SFXN2: variants seen among roughly 807,000 people sequenced by gnomAD.
The protein encoded by SFXN2 is sideroflexin-2.
In SFXN2, 37 loss-of-function variants were observed where a neutral mutation model predicts 41.9. That is an observed-to-expected ratio of 0.88 (90% CI 0.68 to 1.16). The LOEUF (loss-of-function observed/expected upper bound fraction) is 1.16. Among genes scored for constraint, SFXN2 ranks in the 50% most tolerant of loss-of-function variants. The probability of loss-of-function intolerance (pLI) is 0.00; values close to 1 mark genes in which losing one functional copy is unlikely to be tolerated. For missense variants in SFXN2, 386 were observed against 425.2 expected (o/e 0.91, Z 0.81); for synonymous variants, 150 against 156.7 (o/e 0.96, Z 0.32).
In SFXN2 at chr10:102,739,618, AGCACATGCATCAACC is replaced by A. The variant is rs2064824461; in HGVS notation, c.*1858_*1872del. On this transcript the variant is annotated 3_prime_UTR_variant, in exon 12 of 12. Coordinates refer to ENST00000369893, the MANE Select transcript of SFXN2 (RefSeq NM_178858.6). ...CCCTGCCCTGGAGCAGTGGTTCTTA[AGCACATGCATCAACC>A]GGGCGCAGTGGCTCATGCCTGTAAT... 6.6e-6 allele frequency: 1 copy of A among 152,122 alleles called. No individual in the cohort carries two copies. The highest frequency in any genetic ancestry group is 1.5e-5 in the Non-Finnish European group (1 of 68,038). The allele number at this position is 152,122 out of a possible 1,614,324, so 9.4% of individuals were successfully genotyped here. A position where few individuals can be genotyped will look rare whatever the true frequency, so the allele number is the denominator to read the frequency against.
At chr10:102,730,019 T>C (rs1438951148) in intron 6 of SFXN2, among the ~76,000 whole-genome samples, 3 of 152,088 alleles carry the variant, frequency 2.0e-5, no homozygotes, top group Non-Finnish European at 4.4e-5. Context: ...TTGAGTCCCG[T>C]GGGAGTCCTC....
chr10:102,728,734 T>C lies in SFXN2; in HGVS notation c.431+205T>C, dbSNP rs193112191. 5.2e-4 allele frequency among the ~76,000 whole-genome samples: 79 copies of C among 152,270 alleles called. 1 individual carries two copies. The highest frequency in any genetic ancestry group is 4.3e-3 in the Admixed American group (65 of 15,290). On this transcript the variant is annotated intron_variant, in intron 4 of 11. Coordinates refer to ENST00000369893, the MANE Select transcript of SFXN2 (RefSeq NM_178858.6). ...AATTCCAAATGTGTTTATTCATTCA[T>C]TCTCTAAATATTTCTTCTTGAGTGT...
intron 5 of SFXN2, 120 bp downstream of exon 5, chr10:102,729,514 G>A: frequency 1.6e-6 from 2 of 1,269,430 alleles, no homozygotes. Context: ...CCAGAGCCCG[G>A]CTGGCCAAGT....
At chr10:102,735,599 C>A (rs2064765968) in intron 10 of SFXN2, among the ~76,000 whole-genome samples, 1 of 152,168 alleles carries the variant, frequency 6.6e-6, no homozygotes, top group Non-Finnish European at 1.5e-5. Flanking sequence ...TCCCTGTTTA[C>A]TTCATTGTCT....
intron 10 of SFXN2, among the ~76,000 whole-genome samples, chr10:102,735,234 T>C (rs1433093703): frequency 3.6e-5 from 5 of 137,796 alleles, no homozygotes; most frequent in African/African-American, 1.1e-4. Context: ...TCCCTCTCCA[T>C]GTTGCTCCTC....
At chr10:102,735,597 T>G (rs2064765933) in intron 10 of SFXN2, among the ~76,000 whole-genome samples, 1 of 152,216 alleles carries the variant, frequency 6.6e-6, no homozygotes, top group Non-Finnish European at 1.5e-5. Context: ...AGTCCCTGTT[T>G]ACTTCATTGT....
Position 102,737,794 on chromosome 10 carries a change from C to T in SFXN2, c.*32C>T. On this transcript the variant is annotated 3_prime_UTR_variant, in exon 12 of 12. Transcript: ENST00000369893. ...CACTTCAGCAAGGACCAGTCTATTC[C>T]CATATTCACCAGCTCCTCCTTAGCT... 2 of 1,447,380 alleles carry T rather than the reference C, an allele frequency of 1.4e-6. No individual in the cohort carries two copies. The highest frequency in any genetic ancestry group is 1.9e-6 in the Non-Finnish European group (2 of 1,032,926). 89.7% of individuals were successfully genotyped at this position (1,447,380 alleles called of 1,614,324 possible). A position where few individuals can be genotyped will look rare whatever the true frequency, so the allele number is the denominator to read the frequency against.
chr10:102,725,687 G>A (rs1298764453), intron 1 of SFXN2, among the ~76,000 whole-genome samples: 1 of 151,980 alleles, frequency 6.6e-6, no homozygotes, highest in African/African-American at 2.4e-5. Flanking sequence ...GAACCTAGGA[G>A]TTTGAAACCA....
Position 102,737,942 on chromosome 10 carries a change from G to T in SFXN2, c.*180G>T, listed in dbSNP as rs543235307. The T allele has an allele frequency of 4.6e-4, 188 of 410,628 alleles. No homozygotes were observed. The highest frequency in any genetic ancestry group is 7.0e-4 in the Non-Finnish European group (159 of 226,866). 25.4% of individuals were successfully genotyped at this position (410,628 alleles called of 1,614,324 possible). A position where few individuals can be genotyped will look rare whatever the true frequency, so the allele number is the denominator to read the frequency against. On this transcript the variant is annotated 3_prime_UTR_variant, in exon 12 of 12. Coordinates refer to ENST00000369893, the MANE Select transcript of SFXN2 (RefSeq NM_178858.6). ...GGTACTGGTTGATTGGACCTCAGGG[G>T]AAAAAAGTGAAAAAGGGTAGCAAAG...
rs765153982 is a variant in SFXN2 at position 102,731,765 on chromosome 10, T to C, written c.636T>C (p.Asn212=). ...KGICVKDRNE[N]EIGHSRRAAA... is the part of the protein sequence containing the mutation. ...TCTGCGTGAAGGACAGGAATGAAAA[T>C]GAGATTGGTCATTCCCGGGTGAGCA... is the stretch of plus-strand genomic sequence containing the variant. Residue 212 remains asparagine, a synonymous_variant, in exon 7 of 12, where the codon AAT becomes AAC. Coordinates refer to ENST00000369893, the MANE Select transcript of SFXN2 (RefSeq NM_178858.6). 5.2e-5 allele frequency: 84 copies of C among 1,613,798 alleles called. 3 individuals carry two copies. In the South Asian group the frequency reaches 8.9e-4, roughly 17 times the overall value.
rs369072534 is a variant in SFXN2 at position 102,727,093 on chromosome 10, G to A, written c.268G>A (p.Gly90Arg). The A allele has an allele frequency of 1.3e-5, 21 of 1,610,236 alleles. No individual in the cohort carries two copies. The African/African-American group carries it at 2.7e-4, about 20-fold the overall frequency. ...CACTGGGGAGAAGATGAATGTCATC[G>A]GGCGCATGTCTTTCCAGCTTCCTGG... ...PDTGEKMNVI[G>R]RMSFQLPGGM... The change falls in exon 3 of 12, where the codon GGG (glycine) becomes AGG (arginine). Residue 90 changes from glycine to arginine, a missense_variant. Gly to Arg is a moderately radical substitution (Grantham distance 125). Transcript: ENST00000369893.
intron 1 of SFXN2, among the ~76,000 whole-genome samples, chr10:102,722,780 C>A (rs555918095): frequency 6.6e-6 from 1 of 152,222 alleles, no homozygotes; most frequent in South Asian, 2.1e-4. Flanking sequence ...AACTCCTGGG[C>A]TCAAGCGATG....
chr10:102,735,078 C>A (rs1041740652), intron 10 of SFXN2, among the ~76,000 whole-genome samples: 5 of 150,058 alleles, frequency 3.3e-5, no homozygotes, highest in Non-Finnish European at 5.9e-5. Context: ...GCCCCTCCCC[C>A]ACTCCAAAGT....
chr10:102,731,386 G>A (rs1466392948), intron 6 of SFXN2, among the ~76,000 whole-genome samples: 1 of 151,990 alleles, frequency 6.6e-6, no homozygotes, highest in East Asian at 1.9e-4. Context: ...TCCTTACCAG[G>A]TCCTGTAAAG....
At chr10:102,727,651 C>T (rs1212193110) in intron 3 of SFXN2, 1 of 156,050 alleles carries the variant, frequency 6.4e-6, no homozygotes, top group East Asian at 1.9e-4. Flanking sequence ...CTGCGTCCCC[C>T]ACCCCACGCA....
intron 4 of SFXN2, 148 bp from the exon 5 acceptor site, chr10:102,729,171 G>C (rs992988569): frequency 4.4e-6 from 3 of 682,590 alleles, no homozygotes; most frequent in African/African-American, 3.6e-5. Flanking sequence ...CTGTGAGTGA[G>C]GGGGAGAGGG....
chr10:102,729,705 G>A lies in SFXN2; in HGVS notation c.508-18G>A. 1 of 1,613,402 alleles carries A rather than the reference G, an allele frequency of 6.2e-7. No homozygotes were observed. Among genetic ancestry groups the A allele is most frequent in the Non-Finnish European group, 8.5e-7 (1 of 1,179,822 alleles). On this transcript the variant is annotated intron_variant, in intron 5 of 11. Transcript: ENST00000369893. ...CCAGCGCTTCTGAACAACTCCTACT[G>A]TTCTCTTCCCCCAACAGAAAGCGCC...
rs186175560 is a variant in SFXN2, at chr10:102,727,214, G to A, written c.332+57G>A. 2,271 of 1,538,126 alleles carry A rather than the reference G, an allele frequency of 1.5e-3. 1 individual carries two copies. The highest frequency in any genetic ancestry group is 1.9e-3 in the Non-Finnish European group (2,092 of 1,126,982). On this transcript the variant is annotated intron_variant, in intron 3 of 11. Coordinates refer to ENST00000369893, the MANE Select transcript of SFXN2 (RefSeq NM_178858.6). The stretch of plus-strand genomic sequence containing the variant: ...CAGCTGCCTGGATCTGCTGGTCAGG[G>A]AGCCATACTATGATAATAATAATAG...
intron 1 of SFXN2, among the ~76,000 whole-genome samples, chr10:102,726,092 G>A (rs574139919): frequency 7.2e-5 from 11 of 152,070 alleles, no homozygotes; most frequent in Non-Finnish European, 1.5e-4. Flanking sequence ...TGGGATTACA[G>A]GTGCCTGGCA....
Sources: allele counts gnomAD v4.1 joint callset (sites outside exome capture counted in the v4.1 genomes callset), GRCh38; gene constraint gnomAD v4.1.1; transcripts MANE v1.5; gene names NCBI Gene and HGNC (gene_info 2026-07-23, HGNC 2026-07-21).